Variants in PACRGL observed in about 807,000 individuals in gnomAD.
PACRGL encodes PACRG-like protein.
Under a neutral mutation model 34.5 loss-of-function variants are expected in PACRGL, and 38 were observed. The ratio of observed to expected loss-of-function variants is 1.10; its 90% CI spans 0.85 to 1.44. The LOEUF (loss-of-function observed/expected upper bound fraction) is 1.44. Ranked by LOEUF, PACRGL falls within the 40% of genes most tolerant of loss-of-function variation. The pLI, the probability that PACRGL is intolerant of heterozygous loss-of-function variation, is 0.00. For synonymous variants in PACRGL, 128 were observed against 100.1 expected, an observed-to-expected ratio of 1.28 and a Z score of -1.66; for missense variants, 305 against 281.4, an observed-to-expected ratio of 1.08 and a Z score of -0.60.
At chr4:20,750,663 T>C (rs759691533) in intron 8 of PACRGL, among the ~76,000 whole-genome samples, 2 of 152,166 alleles carry the variant, frequency 1.3e-5, no homozygotes, top group African/African-American at 4.8e-5. Flanking sequence ...CCTTATTGTT[T>C]TCTGTTCTGA....
intron 7 of PACRGL, among the ~76,000 whole-genome samples, chr4:20,722,217 A>G (rs980169913): frequency 1.3e-5 from 2 of 152,228 alleles, no homozygotes; most frequent in Non-Finnish European, 1.5e-5. Context: ...TCCAGGTGCC[A>G]TCTGTCACAG....
chr4:20,713,587 C>A, intron 7 of PACRGL, 48 bp downstream of exon 7: 1 of 1,399,468 alleles, frequency 7.1e-7, no homozygotes, highest in Non-Finnish European at 1.0e-6. Flanking sequence ...GTATCATGCA[C>A]CATCCATATC....
chr4:20,707,916 T>G (rs1490058469), intron 4 of PACRGL, 46 bp downstream of exon 4: 2 of 1,332,730 alleles, frequency 1.5e-6, no homozygotes, highest in African/African-American at 2.9e-5. Flanking sequence ...TCAAAATCAT[T>G]GAGTAAAATG....
Position 20,732,001 on chromosome 4 carries a change from CT to C in PACRGL, c.*4662del. On this transcript the variant is annotated 3_prime_UTR_variant, in exon 9 of 9. Coordinates refer to ENST00000503585, the MANE Select transcript of PACRGL (RefSeq NM_001258345.3). Reference sequence around the variant, plus strand: ...ATTGATAGTTATTACACTTTCATTACTTACTTTTTGGCAGCTTTCAATGAAC... The same window carrying C: ...ATTGATAGTTATTACACTTTCATTACTACTTTTTGGCAGCTTTCAATGAAC... The C allele has an allele frequency of 6.2e-7, 1 of 1,613,258 alleles. No individual in the cohort carries two copies. Among genetic ancestry groups the C allele is most frequent in the Non-Finnish European group, 8.5e-7 (1 of 1,179,688 alleles).
At position 20,731,888 on chromosome 4, in the gene PACRGL, G is replaced by C. The variant is rs1748341325; in HGVS notation, c.*4547G>C. ...TAGGCTTATGCTGCATGTTGTAGAA[G>C]TGGTAAACTTAGGCATATGATCTCT... On this transcript the variant is annotated 3_prime_UTR_variant, in exon 9 of 9. Coordinates refer to ENST00000503585, the MANE Select transcript of PACRGL (RefSeq NM_001258345.3). The C allele has an allele frequency of 6.8e-7, 1 of 1,478,634 alleles. No homozygotes were observed. Among genetic ancestry groups the C allele is most frequent in the Non-Finnish European group, 9.0e-7 (1 of 1,113,876 alleles). The allele number at this position is 1,478,634 out of a possible 1,614,324, so 91.6% of individuals were successfully genotyped here. A position where few individuals can be genotyped will look rare whatever the true frequency, so the allele number is the denominator to read the frequency against.
Position 20,729,771 on chromosome 4 carries a change from T to C in PACRGL, c.*2430T>C, listed in dbSNP as rs780578058. 3.2e-5 allele frequency: 8 copies of C among 250,478 alleles called. No individual in the cohort carries two copies. 15.5% of individuals were successfully genotyped at this position (250,478 alleles called of 1,614,324 possible). A position where few individuals can be genotyped will look rare whatever the true frequency, so the allele number is the denominator to read the frequency against. On this transcript the variant is annotated 3_prime_UTR_variant, in exon 9 of 9. Transcript: ENST00000503585. ...CACTGATATTTTAAAATCACTGATATGTGAAAGCCTCAATAATCCCATGGC... is the reference window on the plus strand; with the variant it reads ...CACTGATATTTTAAAATCACTGATACGTGAAAGCCTCAATAATCCCATGGC...
At chr4:20,765,030 G>T in the PACRGL span, among the ~76,000 whole-genome samples, 1 of 152,198 alleles carries the variant, frequency 6.6e-6, no homozygotes, top group Admixed American at 6.5e-5. Context: ...ACTTGTTTGA[G>T]TCACACAGGT....
intron 7 of PACRGL, among the ~76,000 whole-genome samples, chr4:20,720,996 C>A (rs867986881): frequency 1.3e-5 from 2 of 152,272 alleles, no homozygotes; most frequent in African/African-American, 4.8e-5. Flanking sequence ...TCACATAGTT[C>A]CATATTTCTT....
intron 1 of PACRGL, among the ~76,000 whole-genome samples, chr4:20,703,714 C>T (rs1422214598): frequency 6.6e-6 from 1 of 152,006 alleles, no homozygotes; most frequent in Non-Finnish European, 1.5e-5. Context: ...CTTTTATTTC[C>T]CTCTTTAAAC....
chr4:20,717,229 A>T (rs1417333212), intron 7 of PACRGL, among the ~76,000 whole-genome samples: 3 of 152,142 alleles, frequency 2.0e-5, no homozygotes, highest in Non-Finnish European at 4.4e-5. Flanking sequence ...GATTCTGGAT[A>T]TTAGCCCTTT....
At position 20,729,516 on chromosome 4, in the gene PACRGL, G is replaced by GATA. The variant is rs1419657212; in HGVS notation, c.*2177_*2179dup. 8.1e-6 allele frequency: 1 copy of GATA among 123,272 alleles called. No homozygotes were observed. The highest frequency in any genetic ancestry group is 1.9e-5 in the Non-Finnish European group (1 of 53,498). 7.6% of individuals were successfully genotyped at this position (123,272 alleles called of 1,614,324 possible). On this transcript the variant is annotated 3_prime_UTR_variant, in exon 9 of 9. Transcript: ENST00000503585. Reference sequence around the variant, plus strand: ...AATTTTTAAATGTTTAAAAATGCCAGATAAAACTAATTTCTAACAGAAGGT... The same window carrying GATA: ...AATTTTTAAATGTTTAAAAATGCCAGATAATAAAACTAATTTCTAACAGAAGGT...
intron 8 of PACRGL, among the ~76,000 whole-genome samples, chr4:20,725,710 A>G (rs1417019491): frequency 6.6e-6 from 1 of 152,118 alleles, no homozygotes; most frequent in Non-Finnish European, 1.5e-5. Flanking sequence ...AATGGCAGAC[A>G]TAAAGCTTTA....
downstream of PACRGL, among the ~76,000 whole-genome samples, chr4:20,753,906 GTTCA>G (rs3835144): frequency 0.69 from 104,815 of 151,178 alleles, 36,427 homozygotes; most frequent in Admixed American, 0.72. Context: ...GAGCTCATTT[GTTCA>G]TTCATTCATT....
At chr4:20,734,704 C>T (rs775684119), downstream of PACRGL, 12 of 1,590,082 alleles carry the variant, frequency 7.5e-6, no homozygotes, top group East Asian at 2.3e-5. Flanking sequence ...TACTGTCCCC[C>T]GGAGCAAAAT....
At chr4:20,764,460 A>C in the PACRGL span, among the ~76,000 whole-genome samples, 4 of 152,130 alleles carry the variant, frequency 2.6e-5, no homozygotes, top group Non-Finnish European at 5.9e-5. Context: ...TGATGTAATT[A>C]ATATTCTATG....
chr4:20,713,179 A>G, intron 6 of PACRGL: 1 of 542,450 alleles, frequency 1.8e-6, no homozygotes. Context: ...ATGAACCTCA[A>G]ATCAGCCTTT....
rs1553880905 is a variant in PACRGL, at chr4:20,728,923, T to TAAAA, written c.*1584_*1587dup. 2.0e-5 allele frequency: 3 copies of TAAAA among 152,198 alleles called. No individual in the cohort carries two copies. Among genetic ancestry groups the TAAAA allele is most frequent in the Admixed American group, 2.0e-4 (3 of 15,266 alleles). The allele number at this position is 152,198 out of a possible 1,614,324, so 9.4% of individuals were successfully genotyped here. ...ACTTTACAGTTTTGGCTAAGATGATTAAAAATAATCTGAATTATGATGAGC... is the reference window on the plus strand; with the variant it reads ...ACTTTACAGTTTTGGCTAAGATGATTAAAAAAAAATAATCTGAATTATGATGAGC... On this transcript the variant is annotated 3_prime_UTR_variant, in exon 9 of 9. Transcript: ENST00000503585.
intron 4 of PACRGL, 83 bp downstream of exon 4, chr4:20,707,953 G>C: frequency 3.7e-6 from 4 of 1,095,382 alleles, no homozygotes. Flanking sequence ...TAAATGTATT[G>C]TAAGTTTTAT....
At chr4:20,734,802 G>A, downstream of PACRGL, 1 of 691,114 alleles carries the variant, frequency 1.4e-6, no homozygotes, top group African/African-American at 2.2e-5. Context: ...AAAAACAAAT[G>A]ATGTAAGTAA....
Sources: gnomAD v4.1 joint callset for allele counts (sites outside exome capture counted in the v4.1 genomes callset) on GRCh38, gnomAD v4.1.1 for gene constraint, MANE v1.5 for transcripts, NCBI Gene and HGNC (gene_info 2026-07-23, HGNC 2026-07-21) for gene names.